WRAP53: variants seen among roughly 807,000 people sequenced by gnomAD.
WRAP53 encodes telomerase Cajal body protein 1.
WRAP53 carries 28 observed loss-of-function variants against 56.6 expected under a neutral mutation model. The ratio of observed to expected loss-of-function variants is 0.50; its 90% CI spans 0.37 to 0.68. The LOEUF is 0.68. WRAP53 is among the 30% of genes least tolerant of loss of function. The probability of loss-of-function intolerance (pLI) is 0.00; values close to 1 mark genes in which losing one functional copy is unlikely to be tolerated. For synonymous variants in WRAP53, 283 were observed against 283.4 expected (o/e 1.00, Z 0.01); for missense variants, 671 against 715.5 (o/e 0.94, Z 0.71).
rs372738660 is a variant in WRAP53 at position 7,702,593 on chromosome 17, G to A, written c.1164+41G>A. 234 of 1,598,322 alleles carry A rather than the reference G, an allele frequency of 1.5e-4. 4 individuals are homozygous for A. The Middle Eastern group carries it at 1.7e-3, about 12-fold the overall frequency. ...TGAGAGCCCAAAGCAGCTGGGCAGCGGGGCAGGAGCAGGGATGTAGTCTGC... is the reference window on the plus strand; with the variant it reads ...TGAGAGCCCAAAGCAGCTGGGCAGCAGGGCAGGAGCAGGGATGTAGTCTGC... On this transcript the variant is annotated intron_variant, in intron 8 of 10. Transcript: ENST00000396463. This position sits in a 1 kb window ranked among gnomAD's most constrained non-coding sequence, Gnocchi z 5.0.
chr17:7,701,880 G>T lies in WRAP53; in HGVS notation c.955+91G>T, dbSNP rs767511908. ...TGTGAGCCGGGGGCCACCTGTGGGG[G>T]TTCACGCCGTCCTCTGTACGGCCCC... On this transcript the variant is annotated intron_variant, in intron 7 of 10. Coordinates refer to ENST00000396463, the MANE Select transcript of WRAP53 (RefSeq NM_001143992.2). This position sits in a 1 kb window ranked among gnomAD's most constrained non-coding sequence, Gnocchi z 4.2. The T allele has an allele frequency of 1.3e-6, 2 of 1,543,670 alleles. No individual in the cohort carries two copies. The highest frequency in any genetic ancestry group is 2.4e-5 in the East Asian group (1 of 41,310).
At chr17:7,688,423 C>T (rs1180794202), upstream of WRAP53, 1 of 577,528 alleles carries the variant, frequency 1.7e-6, no homozygotes, top group Admixed American at 3.3e-5. Context: ...GGAAGGTGGA[C>T]CGAAATCCCG....
chr17:7,688,698 A>T lies in WRAP53; in HGVS notation c.50A>T (p.Asp17Val). ...TTAGCTCCGGACTGCTGTCCTTCAGACCAGGACCCAGCTCCAGCCCATCCT... is the reference window on the plus strand; with the variant it reads ...TTAGCTCCGGACTGCTGTCCTTCAGTCCAGGACCCAGCTCCAGCCCATCCT... ...QPLAPDCCPS[D>V]QDPAPAHPSP... is the part of the protein sequence containing the mutation. Residue 17 changes from aspartate to valine, a missense_variant, in exon 2 of 11, where the codon GAC (aspartate) becomes GTC (valine). Asp to Val is a radical substitution (Grantham distance 152). Around this residue, in one of 3 missense-constraint regions of WRAP53, gnomAD observed 406 missense variants for 418.5 expected, o/e 0.97. Transcript: ENST00000396463. The T allele has an allele frequency of 6.2e-7, 1 of 1,614,160 alleles. No homozygotes were observed. The highest frequency in any genetic ancestry group is 8.5e-7 in the Non-Finnish European group (1 of 1,180,036).
intron 4 of WRAP53, among the ~76,000 whole-genome samples, chr17:7,694,871 T>TC (rs2074161583): frequency 6.8e-6 from 1 of 148,038 alleles, no homozygotes; most frequent in African/African-American, 2.5e-5. Context: ...TTTTTTTTTT[T>TC]CCTGCTAGTG....
chr17:7,703,200 C>T, intron 10 of WRAP53, 43 bp from the exon 11 acceptor site: 1 of 1,613,254 alleles, frequency 6.2e-7, no homozygotes, highest in East Asian at 2.2e-5. Flanking sequence ...GAGCAAGTGT[C>T]CTCACTGAAG....
In WRAP53 at chr17:7,701,007, C is replaced by T. The variant is rs1249618017; in HGVS notation, c.731+178C>T. 1.3e-5 allele frequency among the ~76,000 whole-genome samples: 2 copies of T among 151,314 alleles called. No homozygotes were observed. The highest frequency in any genetic ancestry group is 1.3e-4 in the Admixed American group (2 of 15,170). On this transcript the variant is annotated intron_variant, in intron 5 of 10. Coordinates refer to ENST00000396463, the MANE Select transcript of WRAP53 (RefSeq NM_001143992.2). The surrounding 1 kb of genome is among the most constrained non-coding windows in gnomAD (Gnocchi z 4.2). The stretch of plus-strand genomic sequence containing the variant: ...TTTTTTTTTTAGATTGAGTCTCCCT[C>T]TGTCACCCAGGCTGGAGGGCGGTGA...
At chr17:7,689,148 C>T in intron 2 of WRAP53, 69 bp downstream of exon 2, 1 of 1,613,360 alleles carries the variant, frequency 6.2e-7, no homozygotes, top group Non-Finnish European at 8.5e-7. Flanking sequence ...GTCCTCTGGT[C>T]CTGAGACCCA....
rs879058020 is a variant in WRAP53, at chr17:7,688,557, C to T, written c.-6C>T. On this transcript the variant is annotated 5_prime_UTR_variant, in exon 1 of 11. Coordinates refer to ENST00000396463, the MANE Select transcript of WRAP53 (RefSeq NM_001143992.2). ...GCCTACTCCCAGAAGAGGAGGGAAG[C>T]ACAGGTGGGTTTCTTTAGCTCTGCG... 8.6e-6 allele frequency: 12 copies of T among 1,402,490 alleles called. No individual in the cohort carries two copies. The highest frequency in any genetic ancestry group is 7.9e-5 in the Admixed American group (4 of 50,340). 86.9% of individuals were successfully genotyped at this position (1,402,490 alleles called of 1,614,324 possible).
rs1485252109 is a variant in WRAP53, at chr17:7,689,276, T to C, written c.484T>C (p.Ser162Pro). ...GCCTCGATTTCTCAGTGGTTCCTGGTCAGAGTTCAGCACCCAACCTGAGAA... is the reference window on the plus strand; with the variant it reads ...GCCTCGATTTCTCAGTGGTTCCTGGCCAGAGTTCAGCACCCAACCTGAGAA... ...QLPRFLSGSW[S>P]EFSTQPENFL... The change falls in exon 3 of 11, where the codon TCA (serine) becomes CCA (proline). Residue 162 changes from serine to proline, a missense_variant. This residue lies in a region of WRAP53 where 406 missense variants were observed against 418.5 expected (regional missense o/e 0.97). Coordinates refer to ENST00000396463, the MANE Select transcript of WRAP53 (RefSeq NM_001143992.2). 3 of 1,613,924 alleles carry C rather than the reference T, an allele frequency of 1.9e-6. No homozygotes were observed. Among genetic ancestry groups the C allele is most frequent in the Non-Finnish European group, 2.5e-6 (3 of 1,180,012 alleles).
rs2151096209 is a variant in WRAP53 at position 7,701,483 on chromosome 17, C to T, written c.756C>T (p.Asn252=). 5 of 1,614,242 alleles carry T rather than the reference C, an allele frequency of 3.1e-6. No homozygotes were observed. Among genetic ancestry groups the T allele is most frequent in the Non-Finnish European group, 4.2e-6 (5 of 1,180,050 alleles). ...GCGTGGCCAGCAGCAGCCGGGAGAACCCGATTCATATCTGGGACGCATTCA... is the reference window on the plus strand; with the variant it reads ...GCGTGGCCAGCAGCAGCCGGGAGAATCCGATTCATATCTGGGACGCATTCA... ...TSYVASSSRE[N]PIHIWDAFTG... is the part of the protein sequence containing the mutation. The change falls in exon 6 of 11, where the codon AAC becomes AAT. Residue 252 remains asparagine, a synonymous_variant. Coordinates refer to ENST00000396463, the MANE Select transcript of WRAP53 (RefSeq NM_001143992.2). The surrounding 1 kb of genome is among the most constrained non-coding windows in gnomAD (Gnocchi z 4.2).
upstream of WRAP53, chr17:7,688,050 T>G (rs947701312): frequency 6.2e-6 from 1 of 160,328 alleles, no homozygotes; most frequent in African/African-American, 2.4e-5. Flanking sequence ...TTATTCATTG[T>G]TGTATTCCTG....
chr17:7,691,412 A>G (rs1376759289), intron 4 of WRAP53, among the ~76,000 whole-genome samples: 1 of 133,122 alleles, frequency 7.5e-6, no homozygotes, highest in African/African-American at 3.1e-5. Flanking sequence ...TTTTTTTGAG[A>G]CGAGTCTTGC....
chr17:7,699,506 A>ATATATT (rs2074242263), intron 4 of WRAP53, among the ~76,000 whole-genome samples: 4 of 22,956 alleles, frequency 1.7e-4, no homozygotes, highest in African/African-American at 2.5e-4. Context: ...ATATATTTAT[A>ATATATT]TATATATATA....
chr17:7,688,513 C>CT lies in WRAP53; in HGVS notation c.-49dup. 1 of 929,208 alleles carries CT rather than the reference C, an allele frequency of 1.1e-6. No individual in the cohort carries two copies. Among genetic ancestry groups the CT allele is most frequent in the East Asian group, 2.6e-5 (1 of 37,978 alleles). The allele number at this position is 929,208 out of a possible 1,614,324, so 57.6% of individuals were successfully genotyped here. ...AAGAATTGGCGTCCGCTGTTCGCCT[C>CT]TCCTCCCGGGAGTCTTCTGCCTACT... On this transcript the variant is annotated 5_prime_UTR_variant, in exon 1 of 11. Coordinates refer to ENST00000396463, the MANE Select transcript of WRAP53 (RefSeq NM_001143992.2).
intron 4 of WRAP53, 78 bp from the exon 5 acceptor site, chr17:7,700,663 C>G: frequency 4.2e-6 from 4 of 951,218 alleles, no homozygotes; most frequent in Non-Finnish European, 6.9e-6. Context: ...ACCCCATCTG[C>G]CACAACACTG....
intron 4 of WRAP53, among the ~76,000 whole-genome samples, chr17:7,699,522 T>TATTTATATATATATATA (rs1567577715): frequency 7.1e-5 from 1 of 14,110 alleles, no homozygotes; most frequent in Non-Finnish European, 1.2e-4. Context: ...ATATATATAT[T>TATTTATATATATATATA]TATATATATA....
chr17:7,699,060 A>G (rs1373523331), intron 4 of WRAP53, among the ~76,000 whole-genome samples: 1 of 151,792 alleles, frequency 6.6e-6, no homozygotes, highest in Non-Finnish European at 1.5e-5. Context: ...CCTGTCTCTA[A>G]GAAAAGAAAA....
At chr17:7,699,438 ATTT>A (rs1567577096) in intron 4 of WRAP53, among the ~76,000 whole-genome samples, 3 of 85,192 alleles carry the variant, frequency 3.5e-5, no homozygotes, top group African/African-American at 1.2e-4. Context: ...AAAAAAAAAA[ATTT>A]ATATATATAT....
At chr17:7,698,014 T>C (rs902730497) in intron 4 of WRAP53, among the ~76,000 whole-genome samples, 2 of 152,148 alleles carry the variant, frequency 1.3e-5, no homozygotes, top group African/African-American at 4.8e-5. Flanking sequence ...ACTACAAGTA[T>C]GCCAATATGC....
Sources: allele counts gnomAD v4.1 joint callset (sites outside exome capture counted in the v4.1 genomes callset), GRCh38; gene constraint gnomAD v4.1.1; regional missense constraint gnomAD v4.1.1; non-coding constraint Gnocchi (gnomAD v3.1); transcripts MANE v1.5; gene names NCBI Gene and HGNC (gene_info 2026-07-23, HGNC 2026-07-21).